The following ANKRD11 variants were observed in gnomAD, a reference collection of about 807,000 sequenced individuals.
The protein encoded by ANKRD11 is ankyrin repeat domain-containing protein 11.
In ANKRD11, 17 loss-of-function variants were observed where a neutral mutation model predicts 195.7. The observed-to-expected ratio is 0.09, with a 90% CI of 0.06 to 0.13. The LOEUF (loss-of-function observed/expected upper bound fraction) is 0.13. ANKRD11 is among the 10% of genes least tolerant of loss of function. The pLI, the probability that ANKRD11 is intolerant of heterozygous loss-of-function variation, is 1.00. For missense variants in ANKRD11, 3,735 were observed against 3,566.1 expected, an observed-to-expected ratio of 1.05 and a Z score of -1.21; for synonymous variants, 1,953 against 1,528.1, an observed-to-expected ratio of 1.28 and a Z score of -6.49.
intron 2 of ANKRD11, among the ~76,000 whole-genome samples, chr16:89,394,266 A>G (rs1411721961): frequency 6.6e-6 from 1 of 152,214 alleles, no homozygotes; most frequent in Non-Finnish European, 1.5e-5. Context: ...TGTCCCTGGA[A>G]AGCAGCCGTC....
chr16:89,478,335 G>T (rs2057326909), intron 1 of ANKRD11, among the ~76,000 whole-genome samples: 3 of 149,036 alleles, frequency 2.0e-5, no homozygotes, highest in Admixed American at 2.0e-4. Context: ...ATTGGGGTTG[G>T]TTTTTTTTTT....
rs753501960 is a variant in ANKRD11 at position 89,279,803 on chromosome 16, C to G, written c.6739G>C (p.Glu2247Gln). Residue 2247 changes from glutamate (E) to glutamine (Q), a missense_variant, in exon 9 of 13, where the codon GAA (glutamate) becomes CAA (glutamine). Coordinates refer to ENST00000301030, the MANE Select transcript of ANKRD11 (RefSeq NM_013275.6). This position sits in a 1 kb window ranked among gnomAD's most constrained non-coding sequence, Gnocchi z 5.6. ...TCTCCGCTCCCCAGTGGGCGCTGTT[C>G]TGGGGGAACGGGCGCGGGCTCCACG... ...SSVEPAPVPPEQRPLGSGDQG... is the reference protein window; with the variant it reads ...SSVEPAPVPPQQRPLGSGDQG... 9.7e-6 allele frequency: 15 copies of G among 1,540,932 alleles called. 1 individual carries two copies. The South Asian group carries it at 1.4e-4, about 15-fold the overall frequency.
intron 3 of ANKRD11, among the ~76,000 whole-genome samples, chr16:89,314,649 C>T (rs549357494): frequency 6.6e-6 from 1 of 152,300 alleles, no homozygotes; most frequent in South Asian, 2.1e-4. Flanking sequence ...AGAGAACCAC[C>T]TCCTCAATAA....
chr16:89,390,720 G>A (rs553797319), intron 2 of ANKRD11, among the ~76,000 whole-genome samples: 42 of 152,176 alleles, frequency 2.8e-4, no homozygotes, highest in Admixed American at 7.9e-4. Context: ...GCCAGCACCC[G>A]TAAGTCCTGC....
intron 2 of ANKRD11, among the ~76,000 whole-genome samples, chr16:89,378,869 G>A (rs1166275486): frequency 6.6e-6 from 1 of 151,882 alleles, no homozygotes; most frequent in Non-Finnish European, 1.5e-5. Flanking sequence ...TGGGTGGGGC[G>A]AGGTGGGGAA....
intron 1 of ANKRD11, among the ~76,000 whole-genome samples, chr16:89,453,108 T>G (rs2044157904): frequency 6.6e-6 from 1 of 152,152 alleles, no homozygotes; most frequent in South Asian, 2.1e-4. Flanking sequence ...TGAAGCACAT[T>G]TCTTTTTTGT....
chr16:89,298,811 C>G (rs539450147), intron 4 of ANKRD11: 1 of 152,186 alleles, frequency 6.6e-6, no homozygotes, highest in Admixed American at 6.5e-5. Context: ...AAACTGCTTA[C>G]GTCTAGAGAG....
At chr16:89,350,731 G>C (rs773743094) in intron 2 of ANKRD11, among the ~76,000 whole-genome samples, 40 of 152,184 alleles carry the variant, frequency 2.6e-4, no homozygotes, top group Admixed American at 7.2e-4. Context: ...GTGGGAACAA[G>C]ACAGTTCCAA....
At chr16:89,478,548 T>C (rs1217528293) in intron 1 of ANKRD11, among the ~76,000 whole-genome samples, 2 of 152,094 alleles carry the variant, frequency 1.3e-5, no homozygotes, top group African/African-American at 2.4e-5. Context: ...AACCTGGACA[T>C]CCTGCTGACA....
intron 1 of ANKRD11, among the ~76,000 whole-genome samples, chr16:89,473,945 C>G (rs1292130746): frequency 6.6e-6 from 1 of 152,192 alleles, no homozygotes. Context: ...CATTATGTTA[C>G]GTAAGACTTA....
intron 1 of ANKRD11, among the ~76,000 whole-genome samples, chr16:89,461,524 T>G (rs1290744075): frequency 1.3e-5 from 2 of 152,118 alleles, no homozygotes; most frequent in Non-Finnish European, 2.9e-5. Flanking sequence ...GTATTTTTTG[T>G]AGAAACAGGG....
At chr16:89,428,143 G>A (rs1420011627) in intron 1 of ANKRD11, among the ~76,000 whole-genome samples, 2 of 152,154 alleles carry the variant, frequency 1.3e-5, no homozygotes, top group African/African-American at 4.8e-5. Flanking sequence ...AGGAGGCAGA[G>A]GTTGCAGTGA....
chr16:89,449,456 A>T lies in ANKRD11; in HGVS notation c.-144-31088T>A, dbSNP rs146290668. Among the ~76,000 whole-genome samples, 930 of 151,776 alleles carry T rather than the reference A, an allele frequency of 6.1e-3. 7 individuals carry two copies. Among genetic ancestry groups the T allele is most frequent in the African/African-American group, 0.019 (790 of 41,408 alleles). ...TCTGGAAATGCGTTATTTTTTTTTTAAATTATACCCACACACCCCTTCCAC... is the reference window on the plus strand; with the variant it reads ...TCTGGAAATGCGTTATTTTTTTTTTTAATTATACCCACACACCCCTTCCAC... On this transcript the variant is annotated intron_variant, in intron 1 of 12. Coordinates refer to ENST00000301030, the MANE Select transcript of ANKRD11 (RefSeq NM_013275.6).
chr16:89,441,006 G>A (rs1368428629), intron 1 of ANKRD11, among the ~76,000 whole-genome samples: 1 of 152,192 alleles, frequency 6.6e-6, no homozygotes, highest in African/African-American at 2.4e-5. Flanking sequence ...GGGAGGCCGA[G>A]GCGGGCAGAT....
chr16:89,306,308 T>C (rs1480114738), intron 3 of ANKRD11, among the ~76,000 whole-genome samples: 1 of 64,164 alleles, frequency 1.6e-5, no homozygotes. Context: ...TACCTCCCCC[T>C]CCGCAGACAC....
chr16:89,384,879 C>CTTTTTTTTTTTTTTTTCTTTTT (rs2040834949), intron 2 of ANKRD11, among the ~76,000 whole-genome samples: 1 of 49,910 alleles, frequency 2.0e-5, no homozygotes, highest in African/African-American at 7.9e-5. Flanking sequence ...AAATAGTTTT[C>CTTTTTTTTTTTTTTTTCTTTTT]TTTTTTTTTT....
rs747911603 is a variant in ANKRD11 at position 89,279,431 on chromosome 16, C to A, written c.7111G>T (p.Ala2371Ser). The change falls in exon 9 of 13, where the codon GCC becomes TCC. Residue 2371 changes from alanine (A) to serine (S), a missense_variant. Physicochemically the swap from Ala to Ser is moderately conservative, Grantham distance 99. Coordinates refer to ENST00000301030, the MANE Select transcript of ANKRD11 (RefSeq NM_013275.6). This position sits in a 1 kb window ranked among gnomAD's most constrained non-coding sequence, Gnocchi z 5.6. ...GCGTCGTCGTCCTCGGAGCCGCGGG[C>A]CTTGGCCCTGGTGACCGGGGCAGGG... The part of the protein sequence containing the change: ...PTPAPVTRAK[A>S]RGSEDDDAQA... The A allele has an allele frequency of 6.1e-5, 93 of 1,520,648 alleles. No individual in the cohort carries two copies. Among genetic ancestry groups the A allele is most frequent in the Non-Finnish European group, 7.9e-5 (90 of 1,135,192 alleles). The allele number at this position is 1,520,648 out of a possible 1,614,324, so 94.2% of individuals were successfully genotyped here.
chr16:89,477,701 G>A (rs550732515), intron 1 of ANKRD11, among the ~76,000 whole-genome samples: 12 of 151,642 alleles, frequency 7.9e-5, no homozygotes, highest in Non-Finnish European at 1.3e-4. Context: ...GGCCGGGCGC[G>A]GTGGCTCATG....
At position 89,281,499 on chromosome 16, in the gene ANKRD11, T is replaced by C. The variant is rs137953940; in HGVS notation, c.5043A>G (p.Ala1681=). ...ASGADSKDWL[A]GPHMKEVLPA... ...GCAGGACCTCTTTCATGTGAGGGCC[T>C]GCCAGCCAGTCTTTGGAGTCTGCAC... Residue 1681 remains alanine (A), a synonymous_variant, in exon 9 of 13, where the codon GCA becomes GCG. Coordinates refer to ENST00000301030, the MANE Select transcript of ANKRD11 (RefSeq NM_013275.6). The surrounding 1 kb of genome is among the most constrained non-coding windows in gnomAD (Gnocchi z 5.5). 6.2e-7 allele frequency: 1 copy of C among 1,614,202 alleles called. No homozygotes were observed. Among genetic ancestry groups the C allele is most frequent in the Non-Finnish European group, 8.5e-7 (1 of 1,180,036 alleles).
Sources: gnomAD v4.1 joint callset for allele counts (sites outside exome capture counted in the v4.1 genomes callset) on GRCh38, gnomAD v4.1.1 for gene constraint, Gnocchi (gnomAD v3.1) non-coding constraint, MANE v1.5 for transcripts, NCBI Gene and HGNC (gene_info 2026-07-23, HGNC 2026-07-21) for gene names.